The following GRM4 variants were observed in gnomAD, a reference collection of about 807,000 sequenced individuals.
GRM4 encodes metabotropic glutamate receptor 4.
In GRM4, 28 loss-of-function variants were observed where a neutral mutation model predicts 81.7. The ratio of observed to expected loss-of-function variants is 0.34; its 90% CI spans 0.25 to 0.47. The LOEUF (loss-of-function observed/expected upper bound fraction) is 0.47. GRM4 is among the 20% of genes least tolerant of loss of function. GRM4 has a pLI of 1.00. For missense variants in GRM4, 948 were observed against 1,290.0 expected (o/e 0.73, Z 4.06); for synonymous variants, 488 against 528.8 (o/e 0.92, Z 1.06).
upstream of GRM4, among the ~76,000 whole-genome samples, chr6:34,147,002 G>GT (rs112002216): frequency 0.068 from 10,396 of 152,208 alleles, 787 homozygotes; most frequent in African/African-American, 0.19. Flanking sequence ...ACCACATCTC[G>GT]TTCAGCATCA....
At chr6:34,122,411 C>T (rs1769847457) in intron 2 of GRM4, among the ~76,000 whole-genome samples, 3 of 152,108 alleles carry the variant, frequency 2.0e-5, no homozygotes, top group Admixed American at 6.5e-5. Flanking sequence ...CCACCACTCT[C>T]CACACGGAAC....
intron 9 of GRM4, among the ~76,000 whole-genome samples, chr6:34,033,099 G>A (rs1764515023): frequency 6.6e-6 from 1 of 152,170 alleles, no homozygotes; most frequent in African/African-American, 2.4e-5. Flanking sequence ...TCAGCAGGGA[G>A]GGTCTCCCAC....
rs371555135 is a variant in GRM4 at position 34,068,703 on chromosome 6, C to T, written c.737-6675G>A. Among the ~76,000 whole-genome samples, 341 of 152,312 alleles carry T rather than the reference C, an allele frequency of 2.2e-3. 2 individuals carry two copies. Among genetic ancestry groups the T allele is most frequent in the African/African-American group, 6.2e-3 (259 of 41,556 alleles). On this transcript the variant is annotated intron_variant, in intron 3 of 10. Transcript: ENST00000538487. This position sits in a 1 kb window ranked among gnomAD's most constrained non-coding sequence, Gnocchi z 4.2. ...AGGAAAGGCCTCCCGTAAGAGGAGC[C>T]GGCTTGTGCCCTGCCTCACCCACTC...
chr6:34,151,432 T>C (rs1162799246), intron 1 of GRM4, among the ~76,000 whole-genome samples: 9 of 152,208 alleles, frequency 5.9e-5, no homozygotes, highest in Non-Finnish European at 1.3e-4. Flanking sequence ...GTCCGGGGGC[T>C]GTCAGCCGTG....
intron 2 of GRM4, among the ~76,000 whole-genome samples, chr6:34,127,207 T>C (rs1181917668): frequency 3.9e-5 from 6 of 151,974 alleles, no homozygotes; most frequent in Admixed American, 3.3e-4. Context: ...ATGAGCGCCA[T>C]CAAGGAAAAG....
chr6:34,128,471 G>A (rs573204516), intron 2 of GRM4, among the ~76,000 whole-genome samples: 7 of 150,112 alleles, frequency 4.7e-5, no homozygotes, highest in Middle Eastern at 3.4e-3. Context: ...TCTGCCTCCC[G>A]GGTTCAAGCG....
chr6:34,044,814 T>TCA (rs562158174), intron 6 of GRM4, among the ~76,000 whole-genome samples: 2 of 92,580 alleles, frequency 2.2e-5, no homozygotes, highest in African/African-American at 8.6e-5. Context: ...ACATATATAG[T>TCA]CACACACACA....
At position 34,040,137 on chromosome 6, in the gene GRM4, G is replaced by A. The variant is rs113484018; in HGVS notation, c.1506+41C>T. 6.7e-4 allele frequency: 1,077 copies of A among 1,600,578 alleles called. 5 individuals carry two copies. The African/African-American group carries it at 8.8e-3, about 13-fold the overall frequency. On this transcript the variant is annotated intron_variant, in intron 8 of 10. Transcript: ENST00000538487. The stretch of plus-strand genomic sequence containing the variant: ...GGCCCCCCTCCCAGGGGCTGGAACT[G>A]CGTGAGTCACTCTCCACCCACTCCC...
rs1254949929 is a variant in GRM4 at position 34,111,906 on chromosome 6, T to A, written c.520-19807A>T. 6.6e-6 allele frequency among the ~76,000 whole-genome samples: 1 copy of A among 152,110 alleles called. No individual in the cohort carries two copies. Among genetic ancestry groups the A allele is most frequent in the Non-Finnish European group, 1.5e-5 (1 of 68,012 alleles). On this transcript the variant is annotated intron_variant, in intron 2 of 10. Transcript: ENST00000538487. This position sits in a 1 kb window ranked among gnomAD's most constrained non-coding sequence, Gnocchi z 5.1. The stretch of plus-strand genomic sequence containing the variant: ...ACCAGACGCACCCCCACCTGTTCCA[T>A]TTCCTGATTGTCCAGATCTTATTGA...
At chr6:34,132,449 G>T (rs1017354570) in intron 2 of GRM4, among the ~76,000 whole-genome samples, 1 of 152,182 alleles carries the variant, frequency 6.6e-6, no homozygotes, top group Non-Finnish European at 1.5e-5. Context: ...CTACCCAGAA[G>T]AAAAACATCT....
At chr6:34,142,369 T>C (rs143074570) in intron 1 of GRM4, among the ~76,000 whole-genome samples, 122 of 152,264 alleles carry the variant, frequency 8.0e-4, no homozygotes, top group African/African-American at 2.0e-3. Context: ...CACTGGAAAG[T>C]TGGGTTCTAG....
chr6:34,149,449 A>G (rs1771003374), upstream of GRM4, among the ~76,000 whole-genome samples: 1 of 152,216 alleles, frequency 6.6e-6, no homozygotes, highest in African/African-American at 2.4e-5. Flanking sequence ...GCTGACTGCA[A>G]AGAGAATGCA....
intron 8 of GRM4, among the ~76,000 whole-genome samples, chr6:34,038,120 G>A (rs911387830): frequency 1.3e-5 from 2 of 152,192 alleles, no homozygotes; most frequent in African/African-American, 4.8e-5. Flanking sequence ...CAGAGGACAC[G>A]GGGCGATGGT....
At chr6:34,124,539 T>C (rs897056824) in intron 2 of GRM4, among the ~76,000 whole-genome samples, 10 of 152,238 alleles carry the variant, frequency 6.6e-5, no homozygotes, top group African/African-American at 2.4e-4. Context: ...TCCTGCGTGA[T>C]AAAGTTCACT....
At chr6:34,149,733 T>C (rs1771008689), upstream of GRM4, among the ~76,000 whole-genome samples, 1 of 152,238 alleles carries the variant, frequency 6.6e-6, no homozygotes, top group Non-Finnish European at 1.5e-5. Context: ...CAGGCCAGTA[T>C]GAATCCAGCC....
chr6:34,127,700 T>C (rs933427260), intron 2 of GRM4, among the ~76,000 whole-genome samples: 2 of 151,818 alleles, frequency 1.3e-5, no homozygotes, highest in African/African-American at 2.4e-5. Context: ...CCGTGAGGAG[T>C]TGTCATGCCC....
Position 34,121,893 on chromosome 6 carries a change from G to A in GRM4, c.519+11085C>T, listed in dbSNP as rs766610354. ...CTTGTGCTGTTCCACCCTACCCACA[G>A]GCAAGGAGAGCAGGGCCCTGAGCAG... On this transcript the variant is annotated intron_variant, in intron 2 of 10. Transcript: ENST00000538487. This position sits in a 1 kb window ranked among gnomAD's most constrained non-coding sequence, Gnocchi z 4.6. Among the ~76,000 whole-genome samples the A allele has an allele frequency of 1.8e-4, 28 of 152,014 alleles. No homozygotes were observed. Among genetic ancestry groups the A allele is most frequent in the Non-Finnish European group, 3.4e-4 (23 of 67,998 alleles).
chr6:34,076,669 G>A (rs568910053), intron 3 of GRM4, among the ~76,000 whole-genome samples: 1 of 144,748 alleles, frequency 6.9e-6, no homozygotes, highest in East Asian at 2.2e-4. Flanking sequence ...ACCCAGGGCA[G>A]CAGGAGAGGC....
chr6:34,140,055 G>A (rs1014615137), intron 1 of GRM4, among the ~76,000 whole-genome samples: 2 of 152,000 alleles, frequency 1.3e-5, no homozygotes, highest in East Asian at 1.9e-4. Flanking sequence ...GGGATCAGGC[G>A]ATATGAAAAA....
Sources: allele counts gnomAD v4.1 joint callset (sites outside exome capture counted in the v4.1 genomes callset), GRCh38; gene constraint gnomAD v4.1.1; non-coding constraint Gnocchi (gnomAD v3.1); transcripts MANE v1.5; gene names NCBI Gene and HGNC (gene_info 2026-07-23, HGNC 2026-07-21).